Variants in ATF6 observed in about 807,000 individuals in gnomAD.
The protein encoded by ATF6 is cyclic AMP-dependent transcription factor ATF-6 alpha.
In ATF6, 53 loss-of-function variants were observed where a neutral mutation model predicts 83.6. That is an observed-to-expected ratio of 0.63 (90% CI 0.51 to 0.80). The LOEUF (loss-of-function observed/expected upper bound fraction) is 0.80. ATF6 is among the 30% of genes least tolerant of loss of function. The pLI is 0.00. For synonymous variants in ATF6, 288 were observed against 285.8 expected (o/e 1.01, Z -0.08); for missense variants, 744 against 797.9 (o/e 0.93, Z 0.81).
intron 14 of ATF6, among the ~76,000 whole-genome samples, chr1:161,871,841 T>G (rs1687130122): frequency 6.8e-6 from 1 of 146,978 alleles, no homozygotes; most frequent in Non-Finnish European, 1.5e-5. Context: ...ATAGTTTTTA[T>G]CTGTGTGTTT....
chr1:161,859,539 A>G (rs1024648350), intron 12 of ATF6, among the ~76,000 whole-genome samples: 1 of 152,198 alleles, frequency 6.6e-6, no homozygotes, highest in Non-Finnish European at 1.5e-5. Flanking sequence ...ATTACTTTCT[A>G]ATGAAATAGA....
chr1:161,809,239 C>G (rs2101766258), intron 7 of ATF6, among the ~76,000 whole-genome samples: 1 of 152,212 alleles, frequency 6.6e-6, no homozygotes, highest in South Asian at 2.1e-4. Context: ...GTTCCCCTTC[C>G]TGTGTCCAAG....
chr1:161,879,173 T>G (rs540708231), intron 14 of ATF6, among the ~76,000 whole-genome samples: 19 of 152,254 alleles, frequency 1.2e-4, no homozygotes, highest in South Asian at 1.0e-3. Context: ...AAGACACTTC[T>G]AACAGTTTCT....
intron 9 of ATF6, among the ~76,000 whole-genome samples, chr1:161,837,813 A>G (rs895385488): frequency 2.1e-4 from 32 of 152,336 alleles, no homozygotes; most frequent in African/African-American, 7.2e-4. Flanking sequence ...ATTATTTATC[A>G]AATACTAATT....
rs190536620 is a variant in ATF6, at chr1:161,892,468, G to A, written c.1720-19828G>A. Among the ~76,000 whole-genome samples the A allele has an allele frequency of 6.6e-5, 10 of 152,140 alleles. No homozygotes were observed. In the East Asian group the frequency reaches 9.6e-4, roughly 15 times the overall value. ...TTTTACACAATTTAGAATTCCTTCT[G>A]TATATCCGTTTGTCTCTTTAAGTCT... On this transcript the variant is annotated intron_variant, in intron 14 of 15. Coordinates refer to ENST00000367942, the MANE Select transcript of ATF6 (RefSeq NM_007348.4).
At chr1:161,834,387 C>T (rs1474419536) in intron 9 of ATF6, among the ~76,000 whole-genome samples, 2 of 151,918 alleles carry the variant, frequency 1.3e-5, no homozygotes, top group Admixed American at 1.3e-4. Context: ...AAATGTCCAA[C>T]AATGATAGAC....
intron 15 of ATF6, 53 bp from the exon 16 acceptor site, chr1:161,958,393 A>G: frequency 2.6e-6 from 4 of 1,512,448 alleles, no homozygotes; most frequent in Non-Finnish European, 3.6e-6. Flanking sequence ...AGCTTATGGC[A>G]GAGATGCACA....
chr1:161,778,397 A>G lies in ATF6; in HGVS notation c.159+77A>G, dbSNP rs550962066. On this transcript the variant is annotated intron_variant, in intron 2 of 15. Transcript: ENST00000367942. ...TATTGCAAGAAAGTTTCAGGACAACAGGTTCAGGCTAGTAATTTAAGTTAC... is the reference window on the plus strand; with the variant it reads ...TATTGCAAGAAAGTTTCAGGACAACGGGTTCAGGCTAGTAATTTAAGTTAC... 26 of 1,154,134 alleles carry G rather than the reference A, an allele frequency of 2.3e-5. No homozygotes were observed. In the African/African-American group the frequency reaches 3.1e-4, roughly 14 times the overall value. 71.5% of individuals were successfully genotyped at this position (1,154,134 alleles called of 1,614,324 possible).
chr1:161,927,180 A>G (rs139376922), intron 15 of ATF6, among the ~76,000 whole-genome samples: 55 of 152,234 alleles, frequency 3.6e-4, no homozygotes, highest in African/African-American at 1.3e-3. Context: ...TGAAACAGCT[A>G]AGAAAACGGG....
rs924136766 is a variant in ATF6 at position 161,792,406 on chromosome 1, A to C, written c.688+79A>C. The C allele has an allele frequency of 3.6e-6, 5 of 1,388,752 alleles. No homozygotes were observed. In the African/African-American group the frequency reaches 7.2e-5, roughly 20 times the overall value. The allele number at this position is 1,388,752 out of a possible 1,614,324, so 86.0% of individuals were successfully genotyped here. A position where few individuals can be genotyped will look rare whatever the true frequency, so the allele number is the denominator to read the frequency against. On this transcript the variant is annotated intron_variant, in intron 6 of 15. Transcript: ENST00000367942. ...TGTGTCATATGATTTGTTTTAATTC[A>C]GGTTATAATTTCTGAGCACGTGCTG... is the stretch of plus-strand genomic sequence containing the variant.
intron 15 of ATF6, among the ~76,000 whole-genome samples, chr1:161,937,105 T>G (rs1688550016): frequency 6.6e-6 from 1 of 152,180 alleles, no homozygotes; most frequent in Non-Finnish European, 1.5e-5. Flanking sequence ...TATTTACCCT[T>G]ACATTCTTTA....
chr1:161,766,483 G>A (rs2101706043), intron 1 of ATF6, 41 bp downstream of exon 1: 1 of 1,591,134 alleles, frequency 6.3e-7, no homozygotes, highest in Non-Finnish European at 8.6e-7. Context: ...GCTCGGGTTC[G>A]CGTCTAAAGG....
intron 14 of ATF6, among the ~76,000 whole-genome samples, chr1:161,868,565 A>C (rs1481657942): frequency 6.6e-6 from 1 of 152,030 alleles, no homozygotes; most frequent in East Asian, 1.9e-4. Context: ...CCTACCACTG[A>C]GTGCTTACTG....
intron 7 of ATF6, among the ~76,000 whole-genome samples, chr1:161,811,766 TCC>T (rs1685468276): frequency 7.4e-6 from 1 of 135,512 alleles, no homozygotes; most frequent in Non-Finnish European, 1.7e-5. Context: ...CAACCATCCA[TCC>T]ATCCATCCAT....
At chr1:161,922,822 C>T (rs115511534) in intron 15 of ATF6, among the ~76,000 whole-genome samples, 107 of 151,956 alleles carry the variant, frequency 7.0e-4, no homozygotes, top group South Asian at 5.6e-3. Flanking sequence ...GAGATCAGAT[C>T]GGGAAGGTAA....
chr1:161,780,555 A>G (rs1022447852), intron 2 of ATF6, among the ~76,000 whole-genome samples: 26 of 151,724 alleles, frequency 1.7e-4, no homozygotes, highest in African/African-American at 5.8e-4. Flanking sequence ...TTGTATTTTT[A>G]GTAGAGATGG....
intron 4 of ATF6, 84 bp from the exon 5 acceptor site, chr1:161,791,324 G>T: frequency 8.1e-7 from 1 of 1,233,806 alleles, no homozygotes; most frequent in Non-Finnish European, 1.1e-6. Context: ...GTGTTTTTCT[G>T]TTTATATGTG....
chr1:161,874,860 T>A (rs1558006156), intron 14 of ATF6, among the ~76,000 whole-genome samples: 1 of 151,720 alleles, frequency 6.6e-6, no homozygotes, highest in Non-Finnish European at 1.5e-5. Flanking sequence ...CTGATGTATG[T>A]AGGTATGTTT....
chr1:161,784,791 G>C (rs571922038), intron 4 of ATF6, among the ~76,000 whole-genome samples: 21 of 152,214 alleles, frequency 1.4e-4, no homozygotes, highest in Non-Finnish European at 7.4e-5. Flanking sequence ...ATTAATTCAA[G>C]GATTTATCTT....
Sources: allele counts gnomAD v4.1 joint callset (sites outside exome capture counted in the v4.1 genomes callset), GRCh38; gene constraint gnomAD v4.1.1; transcripts MANE v1.5; gene names NCBI Gene and HGNC (gene_info 2026-07-23, HGNC 2026-07-21).